SERAC1: variants seen among roughly 807,000 people sequenced by gnomAD.
SERAC1 encodes serine active site containing 1.
In SERAC1, 36 loss-of-function variants were observed where a neutral mutation model predicts 85.7. The observed-to-expected ratio is 0.42, with a 90% confidence interval of 0.32 to 0.55. The LOEUF (loss-of-function observed/expected upper bound fraction) is 0.55, where lower values mean the gene tolerates loss of function less well. Among genes scored for constraint, SERAC1 ranks in the 20% least tolerant of loss-of-function variants. SERAC1 has a pLI of 0.11. For missense variants in SERAC1, 629 were observed against 796.2 expected (o/e 0.79, Z 2.53); for synonymous variants, 242 against 265.3 (o/e 0.91, Z 0.85).
At chr6:158,131,516 T>C (rs1784675891) in intron 8 of SERAC1, among the ~76,000 whole-genome samples, 1 of 149,640 alleles carries the variant, frequency 6.7e-6, no homozygotes, top group African/African-American at 2.4e-5. Context: ...TTTATAAATA[T>C]ATATAAACAA....
At chr6:158,152,495 G>A (rs930581196) in intron 3 of SERAC1, among the ~76,000 whole-genome samples, 12 of 151,808 alleles carry the variant, frequency 7.9e-5, no homozygotes, top group African/African-American at 2.4e-4. Context: ...CAGCCAGGGC[G>A]ACGGAGCAAG....
intron 8 of SERAC1, among the ~76,000 whole-genome samples, chr6:158,142,755 A>G (rs1029695038): frequency 2.6e-5 from 4 of 152,166 alleles, no homozygotes; most frequent in Admixed American, 2.6e-4. Flanking sequence ...GACCACAGGC[A>G]TGAGCCACTG....
At chr6:158,135,425 C>T (rs1468231010) in intron 8 of SERAC1, among the ~76,000 whole-genome samples, 1 of 151,930 alleles carries the variant, frequency 6.6e-6, no homozygotes, top group African/African-American at 2.4e-5. Flanking sequence ...CCCAGCTACT[C>T]AAGAGGCTGA....
intron 7 of SERAC1, 125 bp from the exon 8 acceptor site, chr6:158,143,309 C>G (rs1301904640): frequency 2.5e-5 from 7 of 276,388 alleles, no homozygotes; most frequent in Non-Finnish European, 4.6e-5. Flanking sequence ...GTGCATGTCT[C>G]TCTCTCTCTC....
At position 158,111,435 on chromosome 6, in the gene SERAC1, C is replaced by T; in HGVS notation, c.1896G>A (p.Lys632=). Residue 632 remains lysine, a synonymous_variant, in exon 17 of 17, where the codon AAG becomes AAA. Coordinates refer to ENST00000647468, the MANE Select transcript of SERAC1 (RefSeq NM_032861.4). ...AAGTACGCTGGTACAAAAAAGCATCCTTTTTCTTTGGCTTACAAATGTTCA... is the reference window on the plus strand; with the variant it reads ...AAGTACGCTGGTACAAAAAAGCATCTTTTTTCTTTGGCTTACAAATGTTCA... ...NHLNICKPKK[K]DAFLYQRTLQ... 1 of 1,611,942 alleles carries T rather than the reference C, an allele frequency of 6.2e-7. No homozygotes were observed. Among genetic ancestry groups the T allele is most frequent in the Non-Finnish European group, 8.5e-7 (1 of 1,179,212 alleles).
At chr6:158,163,729 T>TTTGTTG (rs111396490) in intron 1 of SERAC1, among the ~76,000 whole-genome samples, 3,873 of 151,652 alleles carry the variant, frequency 0.026, 170 homozygotes, top group African/African-American at 0.089. Flanking sequence ...ATGTAGGTTT[T>TTTGTTG]TTGTTGTTTT....
chr6:158,114,944 T>C lies in SERAC1; in HGVS notation c.1529A>G (p.Glu510Gly). Residue 510 changes from glutamate to glycine, a missense_variant, in exon 15 of 17, where the codon GAA (glutamate) becomes GGA (glycine). Coordinates refer to ENST00000647468, the MANE Select transcript of SERAC1 (RefSeq NM_032861.4). The part of the protein sequence containing the change: ...GGLLVKKMLL[E>G]ASTKPEMSTV... ...ACTCATTTCTGGCTTCGTAGAGGCT[T>C]CCAACAGCATCTTTTTGACAAGAAG... 1 of 1,611,912 alleles carries C rather than the reference T, an allele frequency of 6.2e-7. No homozygotes were observed. The highest frequency in any genetic ancestry group is 8.5e-7 in the Non-Finnish European group (1 of 1,179,248).
In SERAC1 at chr6:158,125,423, A is replaced by G. The variant is rs146779531; in HGVS notation, c.1015+2685T>C. Reference sequence around the variant, plus strand: ...GACGATAAAACAATGAGGCCCTCACAAGACACCAATGGCCAGAACCTTGAT... The same window carrying G: ...GACGATAAAACAATGAGGCCCTCACGAGACACCAATGGCCAGAACCTTGAT... On this transcript the variant is annotated intron_variant, in intron 10 of 16. Transcript: ENST00000647468. Among the ~76,000 whole-genome samples the G allele has an allele frequency of 3.9e-3, 593 of 152,296 alleles. 5 individuals are homozygous for G. The highest frequency in any genetic ancestry group is 0.014 in the African/African-American group (568 of 41,550).
intron 15 of SERAC1, chr6:158,114,445 CATTTTAACAGTTGATG>C (rs1784226478): frequency 9.5e-7 from 1 of 1,050,846 alleles, no homozygotes; most frequent in Non-Finnish European, 1.2e-6. Flanking sequence ...GTTTCATTTA[CATTTTAACAGTTGATG>C]ATTCTCCACT....
chr6:158,114,111 T>A (rs1319501951), intron 15 of SERAC1, among the ~76,000 whole-genome samples: 2 of 152,036 alleles, frequency 1.3e-5, no homozygotes, highest in African/African-American at 4.8e-5. Flanking sequence ...CTCACAAACC[T>A]TCTACTTAGG....
At chr6:158,143,319 C>G (rs1784964439) in intron 7 of SERAC1, 135 bp from the exon 8 acceptor site, 1 of 274,684 alleles carries the variant, frequency 3.6e-6, no homozygotes, top group Non-Finnish European at 6.2e-6. Flanking sequence ...CTCTCTCTCT[C>G]TCTCTCTCTC....
At chr6:158,150,924 T>C (rs1209477764) in intron 3 of SERAC1, 1 of 225,244 alleles carries the variant, frequency 4.4e-6, no homozygotes, top group African/African-American at 2.2e-5. Flanking sequence ...TATAAAAGTC[T>C]AGCTCATACA....
At chr6:158,144,246 T>C in intron 7 of SERAC1, 53 bp downstream of exon 7, 2 of 1,417,436 alleles carry the variant, frequency 1.4e-6, no homozygotes, top group Admixed American at 3.9e-5. Context: ...GTGAAGATAA[T>C]ATATTAAACC....
intron 3 of SERAC1, among the ~76,000 whole-genome samples, chr6:158,152,572 T>C (rs192788362): frequency 8.5e-5 from 13 of 152,112 alleles, no homozygotes; most frequent in East Asian, 7.7e-4. Flanking sequence ...AAGTCTATAG[T>C]AGTGTGCAGT....
intron 16 of SERAC1, chr6:158,113,151 G>T (rs1380399633): frequency 1.8e-5 from 7 of 397,562 alleles, no homozygotes; most frequent in Admixed American, 4.2e-5. Flanking sequence ...TTTTGATCTA[G>T]CTGATAGAAG....
chr6:158,162,203 T>C (rs1785504515), intron 1 of SERAC1: 1 of 152,212 alleles, frequency 6.6e-6, no homozygotes, highest in Non-Finnish European at 1.5e-5. Context: ...CATATGATAA[T>C]GGGCTATTTA....
chr6:158,141,016 A>G (rs1250661703), intron 8 of SERAC1, among the ~76,000 whole-genome samples: 2 of 152,270 alleles, frequency 1.3e-5, no homozygotes, highest in Admixed American at 6.5e-5. Flanking sequence ...TTATTCATAC[A>G]TAACAGCCAA....
chr6:158,156,854 TAATA>T (rs1284041982), intron 2 of SERAC1, among the ~76,000 whole-genome samples: 19 of 81,744 alleles, frequency 2.3e-4, no homozygotes, highest in East Asian at 9.0e-4. Flanking sequence ...ATTTTATATA[TAATA>T]AATATTAATA....
intron 5 of SERAC1, 29 bp downstream of exon 5, chr6:158,148,836 G>C (rs772199787): frequency 2.7e-5 from 40 of 1,461,968 alleles, no homozygotes; most frequent in Non-Finnish European, 3.8e-5. Context: ...TTACTGATAA[G>C]GATTCCAAGT....
Sources: allele counts gnomAD v4.1 joint callset (sites outside exome capture counted in the v4.1 genomes callset), GRCh38; gene constraint gnomAD v4.1.1; transcripts MANE v1.5; gene names NCBI Gene and HGNC (gene_info 2026-07-23, HGNC 2026-07-21).